The following REV3L variants were observed in gnomAD, a reference collection of about 807,000 sequenced individuals.
REV3L encodes DNA polymerase zeta catalytic subunit.
Under a neutral mutation model 299.4 loss-of-function variants are expected in REV3L, and 69 were observed. The observed-to-expected ratio is 0.23, with a 90% CI of 0.19 to 0.28. The LOEUF is 0.28. Ranked by LOEUF, REV3L falls within the 10% of genes least tolerant of loss-of-function variation. REV3L has a pLI of 1.00. For missense variants in REV3L, 3,128 were observed against 3,693.8 expected, an observed-to-expected ratio of 0.85 and a Z score of 3.97; for synonymous variants, 1,238 against 1,271.4, an observed-to-expected ratio of 0.97 and a Z score of 0.56.
At position 111,373,428 on chromosome 6, in the gene REV3L, GTTC is replaced by G. The variant is rs1324879976; in HGVS notation, c.4924_4926del (p.Glu1642del). The stretch of plus-strand genomic sequence containing the variant: ...GTGTTAATATCAAAATTATAATTAT[GTTC>G]AGGAGATAAACTATCTTCAAGTGAG... On this transcript the variant is annotated inframe_deletion, in exon 13 of 32. Coordinates refer to ENST00000368802, the MANE Select transcript of REV3L (RefSeq NM_001372078.1). 6.2e-7 allele frequency: 1 copy of G among 1,613,244 alleles called. No individual in the cohort carries two copies. The highest frequency in any genetic ancestry group is 8.5e-7 in the Non-Finnish European group (1 of 1,179,746).
At chr6:111,381,125 T>G (rs1780788228) in intron 10 of REV3L, among the ~76,000 whole-genome samples, 200 bp downstream of exon 10, 1 of 152,238 alleles carries the variant, frequency 6.6e-6, no homozygotes. Flanking sequence ...ACTATTTTCT[T>G]TCACAAATTT....
chr6:111,316,684 A>C (rs1056394052), intron 26 of REV3L, among the ~76,000 whole-genome samples: 1 of 152,086 alleles, frequency 6.6e-6, no homozygotes, highest in Non-Finnish European at 1.5e-5. Context: ...AAAAGAAAAA[A>C]AAAAGACAGA....
At position 111,375,875 on chromosome 6, in the gene REV3L, G is replaced by A. The variant is rs1169600048; in HGVS notation, c.2480C>T (p.Pro827Leu). The change falls in exon 13 of 32, where the codon CCA (proline) becomes CTA (leucine). Residue 827 changes from proline (P) to leucine (L), a missense_variant. Pro to Leu is a moderately conservative substitution (Grantham distance 98). Around this residue, in one of 9 missense-constraint regions of REV3L, gnomAD observed 2,409 missense variants for 2,611.8 expected, o/e 0.92. Coordinates refer to ENST00000368802, the MANE Select transcript of REV3L (RefSeq NM_001372078.1). The stretch of plus-strand genomic sequence containing the variant: ...CCTTTTATTCAATTTTAACCGGGAT[G>A]GTTTATTGCCAGGTTGTAATTTATA... ...VTYKLQPGNK[P>L]SRLKLNKRKL... 2 of 1,613,764 alleles carry A rather than the reference G, an allele frequency of 1.2e-6. No homozygotes were observed. Among genetic ancestry groups the A allele is most frequent in the African/African-American group, 1.3e-5 (1 of 74,880 alleles).
At chr6:111,390,592 GA>G (rs953314947) in intron 5 of REV3L, among the ~76,000 whole-genome samples, 3 of 152,102 alleles carry the variant, frequency 2.0e-5, no homozygotes, top group Non-Finnish European at 4.4e-5. Flanking sequence ...AAACAAGGGA[GA>G]ACATGCAATA....
At chr6:111,383,647 T>C (rs1781054321) in intron 9 of REV3L, among the ~76,000 whole-genome samples, 1 of 152,092 alleles carries the variant, frequency 6.6e-6, no homozygotes, top group South Asian at 2.1e-4. Flanking sequence ...CGTTCATGGA[T>C]TGGAAGAATC....
chr6:111,392,856 C>T lies in REV3L; in HGVS notation c.662+20G>A. On this transcript the variant is annotated intron_variant, in intron 5 of 31. Coordinates refer to ENST00000368802, the MANE Select transcript of REV3L (RefSeq NM_001372078.1). ...TAGGATATATGTAAAATTTTCATTT[C>T]CTTTACAACATTAACTAACCTTGGT... The T allele has an allele frequency of 6.6e-7, 1 of 1,507,686 alleles. No homozygotes were observed. The highest frequency in any genetic ancestry group is 1.4e-5 in the African/African-American group (1 of 72,792). The allele number at this position is 1,507,686 out of a possible 1,614,324, so 93.4% of individuals were successfully genotyped here.
chr6:111,455,970 C>T (rs984369502), intron 1 of REV3L, among the ~76,000 whole-genome samples: 4 of 152,138 alleles, frequency 2.6e-5, no homozygotes, highest in East Asian at 1.9e-4. Context: ...GTATATGGCA[C>T]TTGATATTGA....
rs1771248466 is a variant in REV3L at position 111,299,571 on chromosome 6, A to G, written c.*445T>C. The G allele has an allele frequency of 6.5e-6, 1 of 152,924 alleles. No individual in the cohort carries two copies. The highest frequency in any genetic ancestry group is 1.5e-5 in the Non-Finnish European group (1 of 68,228). The allele number at this position is 152,924 out of a possible 1,614,324, so 9.5% of individuals were successfully genotyped here. ...CATTATTTTGCTCGTTTGAAAAGTA[A>G]AAAAGTGTATTTACAAAATATTTTG... On this transcript the variant is annotated 3_prime_UTR_variant, in exon 32 of 32. Coordinates refer to ENST00000368802, the MANE Select transcript of REV3L (RefSeq NM_001372078.1).
intron 3 of REV3L, 132 bp downstream of exon 3, chr6:111,411,348 C>A: frequency 1.6e-6 from 1 of 635,822 alleles, no homozygotes; most frequent in South Asian, 2.0e-5. Flanking sequence ...TCTCTATACA[C>A]GTACATGTGT....
intron 7 of REV3L, 144 bp from the exon 8 acceptor site, chr6:111,388,229 T>G: frequency 1.6e-6 from 1 of 611,156 alleles, no homozygotes; most frequent in Non-Finnish European, 2.9e-6. Context: ...AGTTTTACCA[T>G]AGAATCACAC....
chr6:111,431,152 A>G, intron 1 of REV3L: 1 of 1,527,164 alleles, frequency 6.5e-7, no homozygotes, highest in Non-Finnish European at 9.1e-7. Flanking sequence ...AAGCGATCTC[A>G]GCAGCCATGA....
In REV3L at chr6:111,451,431, A is replaced by G. The variant is rs184347179; in HGVS notation, c.139+31319T>C. On this transcript the variant is annotated intron_variant, in intron 1 of 31. Transcript: ENST00000368802. ...TATGTTCCTATCAGTAACTCAGAAAATGACTGAAAGAGAACTTTTAGGTGC... is the reference window on the plus strand; with the variant it reads ...TATGTTCCTATCAGTAACTCAGAAAGTGACTGAAAGAGAACTTTTAGGTGC... Among the ~76,000 whole-genome samples the G allele has an allele frequency of 1.0e-3, 155 of 152,230 alleles. 1 individual carries two copies. Among genetic ancestry groups the G allele is most frequent in the African/African-American group, 3.5e-3 (145 of 41,542 alleles).
rs143341805 is a variant in REV3L, at chr6:111,376,660, A to G, written c.1695T>C (p.Ala565=). The G allele has an allele frequency of 2.6e-3, 4,122 of 1,612,044 alleles. 7 individuals are homozygous for G. Among genetic ancestry groups the G allele is most frequent in the Non-Finnish European group, 3.3e-3 (3,863 of 1,179,794 alleles). The change falls in exon 13 of 32, where the codon GCT becomes GCC. Residue 565 remains alanine, a synonymous_variant. Transcript: ENST00000368802. ...VKPSIFHKDA[A]TLEPSSSAKI... ...TAGCAGAAGATGAGGGTTCTAATGT[A>G]GCAGCATCTTTGTGAAAGATGGAGG... is the stretch of plus-strand genomic sequence containing the variant.
intron 1 of REV3L, among the ~76,000 whole-genome samples, chr6:111,423,823 C>T (rs560291452): frequency 6.6e-6 from 1 of 152,104 alleles, no homozygotes; most frequent in African/African-American, 2.4e-5. Context: ...AAAGATGACT[C>T]TTATTTTTGG....
intron 1 of REV3L, among the ~76,000 whole-genome samples, chr6:111,456,098 A>G (rs1383892558): frequency 6.6e-6 from 1 of 152,216 alleles, no homozygotes; most frequent in East Asian, 1.9e-4. Context: ...AGGTTTGTGT[A>G]GTATACTCTA....
intron 4 of REV3L, among the ~76,000 whole-genome samples, chr6:111,403,956 GA>G (rs1783355257): frequency 6.6e-6 from 1 of 152,188 alleles, no homozygotes; most frequent in Non-Finnish European, 1.5e-5. Flanking sequence ...GCAGATAGGT[GA>G]AACAGCAGGG....
chr6:111,318,806 G>A (rs953733815), intron 26 of REV3L, among the ~76,000 whole-genome samples: 2 of 151,838 alleles, frequency 1.3e-5, no homozygotes, highest in African/African-American at 4.8e-5. Context: ...CCGACCTCAG[G>A]TGATCTGCCC....
intron 1 of REV3L, among the ~76,000 whole-genome samples, chr6:111,450,790 G>T (rs189421419): frequency 2.1e-4 from 32 of 152,298 alleles, no homozygotes; most frequent in African/African-American, 7.7e-4. Flanking sequence ...TCTAACGTCT[G>T]GGTTTCAGAA....
intron 31 of REV3L, among the ~76,000 whole-genome samples, chr6:111,303,717 T>A (rs1258019554): frequency 1.3e-5 from 1 of 77,692 alleles, no homozygotes; most frequent in Non-Finnish European, 3.0e-5. Flanking sequence ...TTTTTTTTTT[T>A]TTTTTTTTTT....
Sources: allele counts gnomAD v4.1 joint callset (sites outside exome capture counted in the v4.1 genomes callset), GRCh38; gene constraint gnomAD v4.1.1; regional missense constraint gnomAD v4.1.1; transcripts MANE v1.5; gene names NCBI Gene and HGNC (gene_info 2026-07-23, HGNC 2026-07-21).